Variants in ABCG1 observed in about 807,000 individuals in gnomAD.
The protein encoded by ABCG1 is ATP binding cassette subfamily G member 1.
Under a neutral mutation model 69.2 loss-of-function variants are expected in ABCG1, and 29 were observed. The observed-to-expected ratio is 0.42, with a 90% CI of 0.31 to 0.57. The LOEUF is 0.57. Ranked by LOEUF, ABCG1 falls within the 20% of genes least tolerant of loss-of-function variation. The pLI is 0.15. For synonymous variants in ABCG1, 370 were observed against 374.8 expected (o/e 0.99, Z 0.15); for missense variants, 718 against 898.1 (o/e 0.80, Z 2.56).
At chr21:42,253,049 C>G (rs1468943640) in intron 2 of ABCG1, among the ~76,000 whole-genome samples, 1 of 152,142 alleles carries the variant, frequency 6.6e-6, no homozygotes, top group African/African-American at 2.4e-5. Flanking sequence ...CATTAGCACA[C>G]AGGGAGGGTC....
intron 7 of ABCG1, 76 bp from the exon 8 acceptor site, chr21:42,285,804 A>G (rs977200221): frequency 7.4e-6 from 7 of 948,188 alleles, no homozygotes; most frequent in African/African-American, 1.6e-5. Flanking sequence ...TGATTGGTTG[A>G]TTGATTGATT....
At chr21:42,271,389 T>C (rs1180837512) in intron 3 of ABCG1, among the ~76,000 whole-genome samples, 1 of 152,112 alleles carries the variant, frequency 6.6e-6, no homozygotes, top group African/African-American at 2.4e-5. Context: ...GAGGGGTCCC[T>C]GGAGACAGTG....
At chr21:42,282,036 G>A (rs1038831216) in intron 5 of ABCG1, among the ~76,000 whole-genome samples, 1 of 152,224 alleles carries the variant, frequency 6.6e-6, no homozygotes, top group East Asian at 1.9e-4. Flanking sequence ...CAGCCTCTGG[G>A]CAGTGCAGAG....
At chr21:42,263,275 G>A (rs1286158592) in intron 2 of ABCG1, among the ~76,000 whole-genome samples, 2 of 152,184 alleles carry the variant, frequency 1.3e-5, no homozygotes, top group Non-Finnish European at 2.9e-5. Flanking sequence ...TTTTCCATGG[G>A]CAAAGGAATG....
chr21:42,282,196 AG>A, intron 5 of ABCG1, 77 bp from the exon 6 acceptor site: 2 of 1,548,342 alleles, frequency 1.3e-6, no homozygotes, highest in Non-Finnish European at 1.7e-6. Flanking sequence ...GGCGGCTGGC[AG>A]GTCTTCCTGC....
At chr21:42,243,867 G>GGAGT (rs2068092615) in intron 2 of ABCG1, among the ~76,000 whole-genome samples, 1 of 129,718 alleles carries the variant, frequency 7.7e-6, no homozygotes. Context: ...CGCCCAGGCT[G>GGAGT]GAGTGCAGTG....
chr21:42,283,776 A>C (rs8130504), intron 6 of ABCG1, among the ~76,000 whole-genome samples: 193 of 18,528 alleles, frequency 0.01, 10 homozygotes, highest in South Asian at 0.041. Flanking sequence ...GTTGTGAAGT[A>C]CCCCCCAACC....
intron 1 of ABCG1, chr21:42,221,402 C>A (rs998162681): frequency 1.3e-5 from 2 of 152,236 alleles, no homozygotes; most frequent in African/African-American, 4.8e-5. Flanking sequence ...GCCCTGGGGT[C>A]CATCCTGGTG....
chr21:42,254,459 C>T (rs2068270769), intron 2 of ABCG1, among the ~76,000 whole-genome samples: 2 of 152,218 alleles, frequency 1.3e-5, no homozygotes, highest in African/African-American at 2.4e-5. Flanking sequence ...CAGTTCTTGC[C>T]CCCTGTGACT....
At chr21:42,275,558 C>T (rs1408033561) in intron 4 of ABCG1, among the ~76,000 whole-genome samples, 1 of 152,220 alleles carries the variant, frequency 6.6e-6, no homozygotes, top group African/African-American at 2.4e-5. Context: ...AGTTTGACTT[C>T]TCAGTAAGTT....
At chr21:42,282,228 A>C (rs2123772125) in intron 5 of ABCG1, 46 bp from the exon 6 acceptor site, 1 of 1,590,828 alleles carries the variant, frequency 6.3e-7, no homozygotes. Context: ...GGAGGTGGTG[A>C]GCTTTGGCGG....
chr21:42,219,322 T>G lies in ABCG1; in HGVS notation c.42+18T>G. 1 of 1,597,286 alleles carries G rather than the reference T, an allele frequency of 6.3e-7. No homozygotes were observed. The highest frequency in any genetic ancestry group is 1.1e-5 in the South Asian group (1 of 89,642). ...CCGCCATGGTGAGTGAGCGCATCCT[T>G]CGTCCGCCGGGAACGGTTTTATTTT... On this transcript the variant is annotated intron_variant, in intron 1 of 14. Transcript: ENST00000398449. This position sits in a 1 kb window ranked among gnomAD's most constrained non-coding sequence, Gnocchi z 5.3.
At position 42,256,312 on chromosome 21, in the gene ABCG1, T is replaced by C. The variant is rs921341042; in HGVS notation, c.287-14758T>C. On this transcript the variant is annotated intron_variant, in intron 2 of 14. Coordinates refer to ENST00000398449, the MANE Select transcript of ABCG1 (RefSeq NM_016818.3). ...GGTCTTCCAACTTTTGCCCGGAGTC[T>C]ACAGAGGGTGGGCCCTCTCTGCTGG... 1.9e-6 allele frequency: 3 copies of C among 1,545,786 alleles called. No homozygotes were observed. The African/African-American group carries it at 4.1e-5, about 21-fold the overall frequency.
intron 2 of ABCG1, among the ~76,000 whole-genome samples, chr21:42,226,641 G>A (rs1433786277): frequency 6.6e-6 from 1 of 152,136 alleles, no homozygotes; most frequent in Non-Finnish European, 1.5e-5. Flanking sequence ...TTTTTTTCAA[G>A]CCTGATCTGT....
chr21:42,291,837 G>A lies in ABCG1; in HGVS notation c.1653+181G>A, dbSNP rs2069067754. Among the ~76,000 whole-genome samples the A allele has an allele frequency of 6.6e-6, 1 of 152,180 alleles. No homozygotes were observed. The highest frequency in any genetic ancestry group is 1.5e-5 in the Non-Finnish European group (1 of 68,014). On this transcript the variant is annotated intron_variant, in intron 13 of 14. Coordinates refer to ENST00000398449, the MANE Select transcript of ABCG1 (RefSeq NM_016818.3). This position sits in a 1 kb window ranked among gnomAD's most constrained non-coding sequence, Gnocchi z 6.4. Reference sequence around the variant, plus strand: ...GTCAGGATCAGCTGGCTTCCACAGTGCGCACAGCGGGCAGCCTCACGTGTG... The same window carrying A: ...GTCAGGATCAGCTGGCTTCCACAGTACGCACAGCGGGCAGCCTCACGTGTG...
chr21:42,256,366 G>A (rs1458679357), intron 2 of ABCG1: 9 of 1,550,248 alleles, frequency 5.8e-6, no homozygotes, highest in East Asian at 4.9e-5. Context: ...GGAGAGGTTG[G>A]TCTGTCTGTA....
intron 2 of ABCG1, among the ~76,000 whole-genome samples, chr21:42,247,321 C>G (rs2068148399): frequency 6.6e-6 from 1 of 152,184 alleles, no homozygotes; most frequent in African/African-American, 2.4e-5. Flanking sequence ...CTCTCACTAT[C>G]AGGCAGGGGT....
At chr21:42,256,682 T>G in intron 2 of ABCG1, 2 of 1,441,262 alleles carry the variant, frequency 1.4e-6, no homozygotes, top group East Asian at 5.1e-5. Context: ...TCCCAGAGAC[T>G]GATGGCTTCT....
intron 2 of ABCG1, among the ~76,000 whole-genome samples, chr21:42,239,751 C>T (rs1484330182): frequency 6.6e-6 from 1 of 152,234 alleles, no homozygotes; most frequent in Non-Finnish European, 1.5e-5. Flanking sequence ...CTAGAGCCAG[C>T]TTCCGGTTGG....
Sources: allele counts gnomAD v4.1 joint callset (sites outside exome capture counted in the v4.1 genomes callset), GRCh38; gene constraint gnomAD v4.1.1; non-coding constraint Gnocchi (gnomAD v3.1); transcripts MANE v1.5; gene names NCBI Gene and HGNC (gene_info 2026-07-23, HGNC 2026-07-21).